The following INO80B variants were observed in gnomAD, a reference collection of about 807,000 sequenced individuals.
INO80B encodes INO80 complex subunit B.
Under a neutral mutation model 31.4 loss-of-function variants are expected in INO80B, and 18 were observed. That is an observed-to-expected ratio of 0.57 (90% CI 0.40 to 0.85). The LOEUF (loss-of-function observed/expected upper bound fraction) is 0.85, where lower values mean the gene tolerates loss of function less well. INO80B is among the 40% of genes least tolerant of loss of function. The pLI, the probability that INO80B is intolerant of heterozygous loss-of-function variation, is 0.00. For missense variants in INO80B, 469 were observed against 475.4 expected, an observed-to-expected ratio of 0.99 and a Z score of 0.13; for synonymous variants, 238 against 199.0, an observed-to-expected ratio of 1.20 and a Z score of -1.65.
At position 74,457,859 on chromosome 2, in the gene INO80B, A is replaced by G; in HGVS notation, c.1066A>G (p.Thr356Ala). Reference protein sequence around the residue: ...PEGPGSPLLAT With the variant: ...PEGPGSPLLAA ...GGGTCCTGGATCCCCCCTTTTGGCT[A>G]CGTAAGGCCCTTAACCCGGACTCTG... The change falls in exon 5 of 5, where the codon ACG becomes GCG. Residue 356 changes from threonine (T) to alanine (A), a missense_variant. Around this residue, in one of 3 missense-constraint regions of INO80B, gnomAD observed 201 missense variants for 151.7 expected, o/e 1.32. Transcript: ENST00000233331. 1.3e-6 allele frequency: 2 copies of G among 1,550,696 alleles called. No homozygotes were observed. Among genetic ancestry groups the G allele is most frequent in the Non-Finnish European group, 1.7e-6 (2 of 1,154,810 alleles).
chr2:74,456,995 T>C (rs558008245), intron 4 of INO80B, among the ~76,000 whole-genome samples: 1 of 152,334 alleles, frequency 6.6e-6, no homozygotes, highest in Non-Finnish European at 1.5e-5. Context: ...TGATACTCTC[T>C]ATTGAGATAA....
chr2:74,456,426 G>C (rs942973321), intron 4 of INO80B, among the ~76,000 whole-genome samples, 154 bp downstream of exon 4: 4 of 152,240 alleles, frequency 2.6e-5, no homozygotes, highest in Non-Finnish European at 5.9e-5. Flanking sequence ...GTGTGTGTTG[G>C]GGGGCTGGGA....
chr2:74,455,305 G>A (rs1671663495), intron 1 of INO80B, 101 bp from the exon 2 acceptor site: 6 of 1,530,748 alleles, frequency 3.9e-6, no homozygotes, highest in Non-Finnish European at 5.4e-6. Context: ...TGGTAACAGC[G>A]AGTACTGCGG....
intron 1 of INO80B, 97 bp from the exon 2 acceptor site, chr2:74,455,309 A>T: frequency 6.5e-7 from 1 of 1,539,430 alleles, no homozygotes; most frequent in Non-Finnish European, 9.0e-7. Context: ...AACAGCGAGT[A>T]CTGCGGGAAG....
At position 74,455,140 on chromosome 2, in the gene INO80B, G is replaced by C. The variant is rs1044561340; in HGVS notation, c.24G>C (p.Gly8=). The change falls in exon 1 of 5, where the codon GGG becomes GGC. Residue 8 remains glycine (G), a synonymous_variant. Transcript: ENST00000233331. ...TCATGAGTAAGCTGTGGCGGCGTGG[G>C]AGCACCTCTGGGGCTATGGAGGCCC... is the stretch of plus-strand genomic sequence containing the variant. MSKLWRR[G]STSGAMEAPE... The C allele has an allele frequency of 1.2e-6, 2 of 1,614,206 alleles. No individual in the cohort carries two copies. Among genetic ancestry groups the C allele is most frequent in the Non-Finnish European group, 1.7e-6 (2 of 1,180,036 alleles).
In INO80B at chr2:74,457,698, C is replaced by T. The variant is rs746213131; in HGVS notation, c.905C>T (p.Pro302Leu). The change falls in exon 5 of 5, where the codon CCC becomes CTC. Residue 302 changes from proline (P) to leucine (L), a missense_variant. Around this residue, in one of 3 missense-constraint regions of INO80B, gnomAD observed 201 missense variants for 151.7 expected, o/e 1.32. Transcript: ENST00000233331. ...APTAVSQRPS[P>L]SGPPPRCSVP... ...ACGGCAGTGTCTCAGCGGCCATCCC[C>T]CTCAGGCCCGCCGCCGCGCTGCTCT... The T allele has an allele frequency of 6.3e-6, 10 of 1,599,850 alleles. No individual in the cohort carries two copies. The highest frequency in any genetic ancestry group is 2.2e-5 in the East Asian group (1 of 44,832).
In INO80B at chr2:74,455,444, C is replaced by A; in HGVS notation, c.97C>A (p.His33Asn). The A allele has an allele frequency of 1.9e-6, 3 of 1,614,052 alleles. No homozygotes were observed. Among genetic ancestry groups the A allele is most frequent in the Non-Finnish European group, 2.5e-6 (3 of 1,180,012 alleles). ...GTTGAGCCTGGCGGGTGCCCATGGC[C>A]ATGGAGTGCACAAGAAAAAACACAA... is the stretch of plus-strand genomic sequence containing the variant. ...LELSLAGAHG[H>N]GVHKKKHKKH... The change falls in exon 2 of 5, where the codon CAT becomes AAT. Residue 33 changes from histidine (H) to asparagine (N), a missense_variant. By Grantham distance (68) the His-to-Asn change is moderately conservative. This residue lies in a region of INO80B where 223 missense variants were observed against 253.4 expected (regional missense o/e 0.88). Coordinates refer to ENST00000233331, the MANE Select transcript of INO80B (RefSeq NM_031288.4).
chr2:74,455,319 G>A (rs777165379), intron 1 of INO80B, 87 bp from the exon 2 acceptor site: 2 of 1,557,310 alleles, frequency 1.3e-6, no homozygotes, highest in Non-Finnish European at 1.8e-6. Flanking sequence ...ACTGCGGGAA[G>A]GGTGGGATCC....
chr2:74,457,364 C>G lies in INO80B; in HGVS notation c.571C>G (p.Pro191Ala). ...RALLQKARSQ[P>A]SPMLPLPVAE... Reference sequence around the variant, plus strand: ...TCTGCTCCAGAAGGCGCGGAGTCAACCTTCCCCTATGCTGCCGCTGCCTGT... The same window carrying G: ...TCTGCTCCAGAAGGCGCGGAGTCAAGCTTCCCCTATGCTGCCGCTGCCTGT... Residue 191 changes from proline to alanine, a missense_variant, in exon 5 of 5, where the codon CCT (proline) becomes GCT (alanine). Pro to Ala is a conservative substitution (Grantham distance 27, BLOSUM62 -1). Around this residue, in one of 3 missense-constraint regions of INO80B, gnomAD observed 223 missense variants for 253.4 expected, o/e 0.88. Coordinates refer to ENST00000233331, the MANE Select transcript of INO80B (RefSeq NM_031288.4). 1 of 1,608,588 alleles carries G rather than the reference C, an allele frequency of 6.2e-7. No homozygotes were observed. Among genetic ancestry groups the G allele is most frequent in the African/African-American group, 1.3e-5 (1 of 74,852 alleles).
chr2:74,455,235 C>G, intron 1 of INO80B, 61 bp downstream of exon 1: 2 of 1,590,314 alleles, frequency 1.3e-6, no homozygotes, highest in Non-Finnish European at 1.7e-6. Flanking sequence ...GTTCTTGCTC[C>G]TCGGAGAGTC....
chr2:74,455,720 C>A lies in INO80B; in HGVS notation c.252-98C>A, dbSNP rs367701229. On this transcript the variant is annotated intron_variant, in intron 2 of 4. Transcript: ENST00000233331. ...TGTGACTTCAGGGTCCAGATTTAGG[C>A]AGCAAGAGTCTAAGAGGGTGGGGAA... 1.6e-4 allele frequency: 224 copies of A among 1,393,128 alleles called. No homozygotes were observed. The Middle Eastern group carries it at 4.0e-3, about 25-fold the overall frequency. 86.3% of individuals were successfully genotyped at this position (1,393,128 alleles called of 1,614,324 possible).
In INO80B at chr2:74,455,587, G is replaced by A; in HGVS notation, c.240G>A (p.Leu80=). The A allele has an allele frequency of 6.2e-7, 1 of 1,611,946 alleles. No individual in the cohort carries two copies. ...AAATCAAGCTTGGGGGACAAGTCCT[G>A]GGGACCAAGAGGTGAGGCCAAGAGG... is the stretch of plus-strand genomic sequence containing the variant. ...KLKIKLGGQV[L]GTKSVPTFTV... is the part of the protein sequence containing the mutation. Residue 80 remains leucine, a synonymous_variant, in exon 2 of 5, where the codon CTG becomes CTA. Transcript: ENST00000233331.
Position 74,457,492 on chromosome 2 carries a change from G to GCACAAGAA in INO80B, c.701_708dup (p.Gln237ThrfsTer?). 6.5e-7 allele frequency: 1 copy of GCACAAGAA among 1,550,164 alleles called. No individual in the cohort carries two copies. The highest frequency in any genetic ancestry group is 8.7e-7 in the Non-Finnish European group (1 of 1,147,704). On this transcript the variant is annotated frameshift_variant, in exon 5 of 5. Transcript: ENST00000233331. LOFTEE classifies it high-confidence loss of function. ...TCCAGGCGGCGCGGCGGGCAGAAGA[G>GCACAAGAA]CACAAGAACCAGACTATCGAGCGCC...
chr2:74,456,317 T>C (rs1349299323), intron 4 of INO80B, 45 bp downstream of exon 4: 12 of 1,602,272 alleles, frequency 7.5e-6, no homozygotes, highest in East Asian at 4.5e-5. Flanking sequence ...GTATACAGTA[T>C]TGAGAACTCT....
At position 74,455,111 on chromosome 2, in the gene INO80B, GA is replaced by G. The variant is rs780660561; in HGVS notation, c.-5del. The G allele has an allele frequency of 2.5e-6, 4 of 1,614,176 alleles. No homozygotes were observed. The highest frequency in any genetic ancestry group is 3.4e-6 in the Non-Finnish European group (4 of 1,180,010). On this transcript the variant is annotated 5_prime_UTR_variant, in exon 1 of 5. Coordinates refer to ENST00000233331, the MANE Select transcript of INO80B (RefSeq NM_031288.4). ...CATTTCTAGTCCCCTTTCCTCGCAG[GA>G]CCTCATGAGTAAGCTGTGGCGGCGT...
intron 4 of INO80B, among the ~76,000 whole-genome samples, chr2:74,456,480 A>G (rs1444448509): frequency 2.0e-5 from 3 of 152,246 alleles, no homozygotes; most frequent in Non-Finnish European, 2.9e-5. Context: ...GGTTTATGAC[A>G]AAAAGAAAAG....
chr2:74,457,259 TC>T, intron 4 of INO80B, 74 bp from the exon 5 acceptor site: 1 of 1,473,924 alleles, frequency 6.8e-7, no homozygotes. Flanking sequence ...TTCTTTCCCC[TC>T]CCCCGATCTG....
Position 74,457,865 on chromosome 2 carries a change from G to A in INO80B, c.*1G>A, listed in dbSNP as rs542170583. 6.5e-7 allele frequency: 1 copy of A among 1,545,484 alleles called. No homozygotes were observed. Among genetic ancestry groups the A allele is most frequent in the South Asian group, 1.2e-5 (1 of 83,436 alleles). On this transcript the variant is annotated 3_prime_UTR_variant, in exon 5 of 5. Coordinates refer to ENST00000233331, the MANE Select transcript of INO80B (RefSeq NM_031288.4). ...TGGATCCCCCCTTTTGGCTACGTAA[G>A]GCCCTTAACCCGGACTCTGCGCCCC...
Position 74,457,729 on chromosome 2 carries a change from C to G in INO80B, c.936C>G (p.Pro312=). 1 of 1,600,458 alleles carries G rather than the reference C, an allele frequency of 6.2e-7. No homozygotes were observed. Among genetic ancestry groups the G allele is most frequent in the Non-Finnish European group, 8.5e-7 (1 of 1,179,714 alleles). The change falls in exon 5 of 5, where the codon CCC becomes CCG. Residue 312 remains proline, a synonymous_variant. Transcript: ENST00000233331. ...GCCCGCCGCCGCGCTGCTCTGTCCC[C>G]GGCTGTCCCCATCCGCGCCGCTACG... ...PSGPPPRCSV[P]GCPHPRRYAC...
Sources: gnomAD v4.1 joint callset for allele counts (sites outside exome capture counted in the v4.1 genomes callset) on GRCh38, gnomAD v4.1.1 for gene constraint, gnomAD v4.1.1 regional missense constraint, MANE v1.5 for transcripts, NCBI Gene and HGNC (gene_info 2026-07-23, HGNC 2026-07-21) for gene names.